The following ZMYM1 variants were observed in gnomAD, a reference collection of about 807,000 sequenced individuals.
ZMYM1 encodes the protein zinc finger MYM-type protein 1.
In ZMYM1, 39 loss-of-function variants were observed where a neutral mutation model predicts 60.0. The ratio of observed to expected loss-of-function variants is 0.65; its 90% CI spans 0.50 to 0.85. The LOEUF is 0.85. Among genes scored for constraint, ZMYM1 ranks in the 40% least tolerant of loss-of-function variants. The pLI is 0.00. For synonymous variants in ZMYM1, 413 were observed against 454.0 expected (o/e 0.91, Z 1.15); for missense variants, 1,171 against 1,309.5 (o/e 0.89, Z 1.63).
intron 7 of ZMYM1, among the ~76,000 whole-genome samples, 169 bp from the exon 8 acceptor site, chr1:35,111,603 G>A (rs985543991): frequency 6.6e-6 from 1 of 152,138 alleles, no homozygotes. Flanking sequence ...TTATAAATAC[G>A]ATACTAAAGA....
chr1:35,092,228 A>G (rs1245420477), intron 1 of ZMYM1, among the ~76,000 whole-genome samples: 1 of 109,474 alleles, frequency 9.1e-6, no homozygotes, highest in Non-Finnish European at 1.9e-5. Flanking sequence ...GCCCGGCCAA[A>G]GACTTCGTTT....
At chr1:35,101,162 T>G (rs1240975622) in intron 4 of ZMYM1, among the ~76,000 whole-genome samples, 1 of 149,784 alleles carries the variant, frequency 6.7e-6, no homozygotes, top group Non-Finnish European at 1.5e-5. Flanking sequence ...AGGCTGGAGT[T>G]CAATAGCGGG....
intron 8 of ZMYM1, 44 bp from the exon 9 acceptor site, chr1:35,112,043 G>A (rs1289283368): frequency 6.3e-7 from 1 of 1,596,756 alleles, no homozygotes; most frequent in Non-Finnish European, 8.5e-7. Context: ...CTATTTTATA[G>A]GTTATAGTAT....
At chr1:35,111,601 A>G (rs1426300535) in intron 7 of ZMYM1, among the ~76,000 whole-genome samples, 171 bp from the exon 8 acceptor site, 1 of 152,254 alleles carries the variant, frequency 6.6e-6, no homozygotes, top group Non-Finnish European at 1.5e-5. Flanking sequence ...AATTATAAAT[A>G]CGATACTAAA....
downstream of ZMYM1, among the ~76,000 whole-genome samples, chr1:35,118,726 G>A (rs1055447016): frequency 4.0e-4 from 61 of 152,076 alleles, no homozygotes; most frequent in Admixed American, 1.4e-3. Context: ...ATCGAGGTTG[G>A]TGTTCTTGTT....
In ZMYM1 at chr1:35,114,406, T is replaced by C; in HGVS notation, c.2576T>C (p.Val859Ala). 1.2e-6 allele frequency: 2 copies of C among 1,613,224 alleles called. No individual in the cohort carries two copies. Among genetic ancestry groups the C allele is most frequent in the Non-Finnish European group, 1.7e-6 (2 of 1,179,456 alleles). ...LLTLVSKFEF[V>A]FCLKFLYRVL... is the part of the protein sequence containing the mutation. ...ACATTGGTTTCCAAATTTGAATTTG[T>C]CTTTTGTTTGAAATTCCTGTATCGA... Residue 859 changes from valine to alanine, a missense_variant, in exon 10 of 10, where the codon GTC becomes GCC. Val to Ala is a moderately conservative substitution (Grantham distance 64). Transcript: ENST00000359858.
intron 4 of ZMYM1, among the ~76,000 whole-genome samples, chr1:35,101,742 G>C (rs923135644): frequency 6.6e-6 from 1 of 151,716 alleles, no homozygotes; most frequent in African/African-American, 2.4e-5. Flanking sequence ...AATATTTTTA[G>C]TAGAGACGGG....
chr1:35,104,507 A>T (rs1310659272), intron 5 of ZMYM1, 38 bp downstream of exon 5: 2 of 1,611,046 alleles, frequency 1.2e-6, no homozygotes, highest in South Asian at 1.1e-5. Context: ...GATTCTGATG[A>T]TTCTGCTTAA....
intron 2 of ZMYM1, 43 bp downstream of exon 2, chr1:35,094,126 TAAC>T (rs750154578): frequency 2.0e-6 from 3 of 1,535,542 alleles, no homozygotes; most frequent in Non-Finnish European, 2.7e-6. Flanking sequence ...GAGCAGCATT[TAAC>T]TATAAATTTT....
intron 1 of ZMYM1, among the ~76,000 whole-genome samples, chr1:35,081,676 G>C (rs1055214398): frequency 6.6e-6 from 1 of 151,950 alleles, no homozygotes; most frequent in Non-Finnish European, 1.5e-5. Flanking sequence ...TTCTGTTCTA[G>C]TATAAAGAAA....
At chr1:35,096,355 T>G (rs1265180643) in intron 3 of ZMYM1, among the ~76,000 whole-genome samples, 1 of 150,174 alleles carries the variant, frequency 6.7e-6, no homozygotes, top group East Asian at 2.0e-4. Flanking sequence ...CTGGGCATGG[T>G]GCCTCATGCC....
Position 35,094,044 on chromosome 1 carries a change from G to T in ZMYM1, c.57G>T (p.Gly19=). ...ACAAGGCAGTGGCATCACAGCTGGG[G>T]CTGCTAGATGAAATTAAGACAGAAC... ...ECDKAVASQL[G]LLDEIKTEPD... is the part of the protein sequence containing the mutation. The change falls in exon 2 of 10, where the codon GGG becomes GGT. Residue 19 remains glycine (G), a synonymous_variant. Transcript: ENST00000359858. 1 of 1,610,904 alleles carries T rather than the reference G, an allele frequency of 6.2e-7. No individual in the cohort carries two copies. The highest frequency in any genetic ancestry group is 1.3e-5 in the African/African-American group (1 of 74,844).
rs185893937 is a variant in ZMYM1, at chr1:35,114,824, A to G, written c.2994A>G (p.Leu998=). Reference sequence around the variant, plus strand: ...AAATAAAGCAAATTTCAGAACTGTTATTTAAATGGAATGAACCATTAAATG... The same window carrying G: ...AAATAAAGCAAATTTCAGAACTGTTGTTTAAATGGAATGAACCATTAAATG... ...YCKIKQISEL[L]FKWNEPLNET... is the part of the protein sequence containing the mutation. The change falls in exon 10 of 10, where the codon TTA becomes TTG. Residue 998 remains leucine, a synonymous_variant. Transcript: ENST00000359858. 345 of 1,605,506 alleles carry G rather than the reference A, an allele frequency of 2.1e-4. 1 individual carries two copies. The African/African-American group carries it at 4.2e-3, about 20-fold the overall frequency.
intron 1 of ZMYM1, among the ~76,000 whole-genome samples, chr1:35,085,093 G>T (rs1642586592): frequency 6.6e-6 from 1 of 151,968 alleles, no homozygotes; most frequent in African/African-American, 2.4e-5. Context: ...TGTCGCCCAG[G>T]CTGGAGTGCA....
At chr1:35,079,932 C>T (rs1475879277) in intron 1 of ZMYM1, among the ~76,000 whole-genome samples, 1 of 152,116 alleles carries the variant, frequency 6.6e-6, no homozygotes, top group Non-Finnish European at 1.5e-5. Flanking sequence ...GCCAACATGG[C>T]AAAACCCCGT....
chr1:35,086,583 G>A (rs966461332), intron 1 of ZMYM1, among the ~76,000 whole-genome samples: 1 of 152,084 alleles, frequency 6.6e-6, no homozygotes, highest in Non-Finnish European at 1.5e-5. Flanking sequence ...GAGATTATAT[G>A]TCTGTGAATC....
rs780799815 is a variant in ZMYM1 at position 35,104,456 on chromosome 1, A to G, written c.581A>G (p.Gln194Arg). Reference sequence around the variant, plus strand: ...ATTTTGACCAAGTGCAGCATGTGCCAGAAGACTGCTATTGTAAGTTCCAAT... The same window carrying G: ...ATTTTGACCAAGTGCAGCATGTGCCGGAAGACTGCTATTGTAAGTTCCAAT... Reference protein sequence around the residue: ...NSILTKCSMCQKTAIIQYEVK... With the variant: ...NSILTKCSMCRKTAIIQYEVK... Residue 194 changes from glutamine (Q) to arginine (R), a missense_variant, in exon 5 of 10, where the codon CAG (glutamine) becomes CGG (arginine). Physicochemically the swap from Gln to Arg is conservative, Grantham distance 43. Transcript: ENST00000359858. 6.2e-7 allele frequency: 1 copy of G among 1,609,974 alleles called. No individual in the cohort carries two copies. Among genetic ancestry groups the G allele is most frequent in the South Asian group, 1.1e-5 (1 of 90,760 alleles).
At chr1:35,080,489 G>T (rs539907699) in intron 1 of ZMYM1, among the ~76,000 whole-genome samples, 1 of 151,808 alleles carries the variant, frequency 6.6e-6, no homozygotes, top group African/African-American at 2.4e-5. Context: ...GCTAATTTTT[G>T]TATTTTTTGT....
At chr1:35,087,487 C>T (rs559884167) in intron 1 of ZMYM1, among the ~76,000 whole-genome samples, 12 of 151,330 alleles carry the variant, frequency 7.9e-5, no homozygotes, top group South Asian at 4.2e-4. Context: ...AGTGCAATGG[C>T]GCAGTCTCAG....
Sources: gnomAD v4.1 joint callset for allele counts (sites outside exome capture counted in the v4.1 genomes callset) on GRCh38, gnomAD v4.1.1 for gene constraint, MANE v1.5 for transcripts, NCBI Gene and HGNC (gene_info 2026-07-23, HGNC 2026-07-21) for gene names.